The following SYNE2 variants were observed in gnomAD, a reference collection of about 807,000 sequenced individuals.
SYNE2 encodes nesprin-2.
In SYNE2, 431 loss-of-function variants were observed where a neutral mutation model predicts 856.3. That is an observed-to-expected ratio of 0.50 (90% CI 0.47 to 0.55). The LOEUF (loss-of-function observed/expected upper bound fraction) is 0.55, where lower values mean the gene tolerates loss of function less well. Among genes scored for constraint, SYNE2 ranks in the 20% least tolerant of loss-of-function variants. The pLI is 0.00. For synonymous variants in SYNE2, 2,923 were observed against 2,872.3 expected, an observed-to-expected ratio of 1.02 and a Z score of -0.56; for missense variants, 8,129 against 8,023.2, an observed-to-expected ratio of 1.01 and a Z score of -0.50.
At chr14:63,925,562 C>A (rs1336299777) in intron 2 of SYNE2, among the ~76,000 whole-genome samples, 1 of 151,830 alleles carries the variant, frequency 6.6e-6, no homozygotes, top group African/African-American at 2.4e-5. Flanking sequence ...TTTTTTTTAC[C>A]ATAGTCACCC....
Position 64,051,654 on chromosome 14 carries a change from T to C in SYNE2, c.7741T>C (p.Trp2581Arg). 6.2e-7 allele frequency: 1 copy of C among 1,614,154 alleles called. No individual in the cohort carries two copies. Among genetic ancestry groups the C allele is most frequent in the Non-Finnish European group, 8.5e-7 (1 of 1,179,996 alleles). Residue 2581 changes from tryptophan (W) to arginine (R), a missense_variant, in exon 48 of 116, where the codon TGG becomes CGG. By Grantham distance (101) the Trp-to-Arg change is moderately radical. Coordinates refer to ENST00000555002, the MANE Select transcript of SYNE2 (RefSeq NM_182914.3). Reference sequence around the variant, plus strand: ...TTCTTTAGGCAACTTGAAAATCAAATGGGAGAATTTATCAAACCACGTGAC... The same window carrying C: ...TTCTTTAGGCAACTTGAAAATCAAACGGGAGAATTTATCAAACCACGTGAC... ...KDSLGNLKIK[W>R]ENLSNHVTDM...
intron 111 of SYNE2, among the ~76,000 whole-genome samples, chr14:64,221,273 C>G (rs932992394): frequency 1.3e-5 from 2 of 152,106 alleles, no homozygotes; most frequent in Admixed American, 6.5e-5. Context: ...AGCAGAGAAC[C>G]CAGCAGATTG....
chr14:64,091,748 A>G (rs546593126), intron 60 of SYNE2, among the ~76,000 whole-genome samples: 1 of 152,274 alleles, frequency 6.6e-6, no homozygotes, highest in African/African-American at 2.4e-5. Context: ...TGGATCAATA[A>G]TCACTCCCAC....
Position 64,132,405 on chromosome 14 carries a change from C to T in SYNE2, c.14481C>T (p.Arg4827=). The part of the protein sequence containing the change: ...TEVKILEEKS[R]QCGMKLQSLL... Reference sequence around the variant, plus strand: ...TTAAAATACTAGAAGAAAAGTCACGCCAATGTGGTATGAAGCTGCAGAGTT... The same window carrying T: ...TTAAAATACTAGAAGAAAAGTCACGTCAATGTGGTATGAAGCTGCAGAGTT... The change falls in exon 77 of 116, where the codon CGC becomes CGT. Residue 4827 remains arginine (R), a synonymous_variant. Transcript: ENST00000555002. The T allele has an allele frequency of 6.2e-7, 1 of 1,614,114 alleles. No individual in the cohort carries two copies. Among genetic ancestry groups the T allele is most frequent in the South Asian group, 1.1e-5 (1 of 91,082 alleles).
In SYNE2 at chr14:63,997,059, T is replaced by A; in HGVS notation, c.3053T>A (p.Leu1018Gln). Residue 1018 changes from leucine to glutamine, a missense_variant, in exon 24 of 116, where the codon CTA becomes CAA. Around this residue, in one of 3 missense-constraint regions of SYNE2, gnomAD observed 2,422 missense variants for 2,357.4 expected, o/e 1.03. Transcript: ENST00000555002. ...SQKSQQEVKR[L>Q]LKDYEQKIER... ...AAGAGTCAACAAGAAGTGAAGAGACTACTCAAAGATTATGAACAAAAGATA... is the reference window on the plus strand; with the variant it reads ...AAGAGTCAACAAGAAGTGAAGAGACAACTCAAAGATTATGAACAAAAGATA... The A allele has an allele frequency of 6.2e-7, 1 of 1,614,026 alleles. No individual in the cohort carries two copies. Among genetic ancestry groups the A allele is most frequent in the South Asian group, 1.1e-5 (1 of 91,078 alleles).
At chr14:63,973,223 G>C (rs1041730917) in intron 11 of SYNE2, among the ~76,000 whole-genome samples, 1 of 152,082 alleles carries the variant, frequency 6.6e-6, no homozygotes. Flanking sequence ...TCTAGCCTGG[G>C]AGACAGAGTG....
chr14:64,087,360 T>G, intron 57 of SYNE2: 1 of 524,246 alleles, frequency 1.9e-6, no homozygotes, highest in South Asian at 1.5e-5. Context: ...AGTTATTACA[T>G]GTATGAAAGG....
At chr14:64,101,351 T>C (rs1368334955) in intron 63 of SYNE2, among the ~76,000 whole-genome samples, 1 of 152,236 alleles carries the variant, frequency 6.6e-6, no homozygotes, top group African/African-American at 2.4e-5. Flanking sequence ...ACTGTGGTTT[T>C]AATTTGCATT....
intron 1 of SYNE2, among the ~76,000 whole-genome samples, chr14:63,813,708 G>A (rs1566582559): frequency 6.6e-6 from 1 of 152,000 alleles, no homozygotes; most frequent in African/African-American, 2.4e-5. Context: ...TGGATCACGA[G>A]GTCAGAAATT....
chr14:63,783,708 T>G (rs1378093559), intron 1 of SYNE2, among the ~76,000 whole-genome samples: 1 of 152,068 alleles, frequency 6.6e-6, no homozygotes, highest in Non-Finnish European at 1.5e-5. Flanking sequence ...AGTTCCAGAC[T>G]AAAAGAGACC....
chr14:64,087,201 G>T (rs2097570168), intron 57 of SYNE2, among the ~76,000 whole-genome samples: 1 of 150,106 alleles, frequency 6.7e-6, no homozygotes, highest in African/African-American at 2.4e-5. Flanking sequence ...AACCCACTTA[G>T]TTTTAGTGAC....
At chr14:63,945,010 G>C (rs1320071445) in intron 6 of SYNE2, among the ~76,000 whole-genome samples, 3 of 147,730 alleles carry the variant, frequency 2.0e-5, no homozygotes, top group Admixed American at 6.8e-5. Context: ...GTTTCACCAT[G>C]TTGGCCAGGC....
intron 1 of SYNE2, among the ~76,000 whole-genome samples, chr14:63,774,070 C>T (rs564191020): frequency 2.6e-5 from 4 of 152,220 alleles, no homozygotes; most frequent in African/African-American, 7.2e-5. Flanking sequence ...TGCGGTGGCT[C>T]ATGCCTGTAA....
rs1318875013 is a variant in SYNE2, at chr14:63,964,079, A to G, written c.990+79A>G. 10 of 891,394 alleles carry G rather than the reference A, an allele frequency of 1.1e-5. No individual in the cohort carries two copies. In the Admixed American group the frequency reaches 2.1e-4, roughly 19 times the overall value. The allele number at this position is 891,394 out of a possible 1,614,324, so 55.2% of individuals were successfully genotyped here. On this transcript the variant is annotated intron_variant, in intron 10 of 115. Transcript: ENST00000555002. ...AAGTATGTTTTTAGAAAACTCTTTC[A>G]GGCTTAAGTATTTTAAGTATTAAAT...
chr14:64,000,330 G>T (rs2096744125), intron 27 of SYNE2, among the ~76,000 whole-genome samples: 1 of 152,196 alleles, frequency 6.6e-6, no homozygotes, highest in Non-Finnish European at 1.5e-5. Flanking sequence ...TTTGAAAGCT[G>T]CCTTGTCGAC....
intron 1 of SYNE2, among the ~76,000 whole-genome samples, chr14:63,905,190 C>T (rs1001672152): frequency 6.6e-6 from 1 of 152,074 alleles, no homozygotes; most frequent in Non-Finnish European, 1.5e-5. Flanking sequence ...GTATCAGTAC[C>T]ATACTGTTTT....
intron 1 of SYNE2, among the ~76,000 whole-genome samples, chr14:63,878,411 AG>A (rs1755004657): frequency 6.6e-6 from 1 of 152,246 alleles, no homozygotes; most frequent in South Asian, 2.1e-4. Flanking sequence ...TTGATTGTCT[AG>A]AGAAGTCGGT....
chr14:63,844,430 A>G, intron 1 of SYNE2, among the ~76,000 whole-genome samples: 1 of 152,234 alleles, frequency 6.6e-6, no homozygotes, highest in East Asian at 1.9e-4. Context: ...ACTGAAGGAC[A>G]TCTTGGTTGC....
intron 1 of SYNE2, among the ~76,000 whole-genome samples, chr14:63,776,681 C>A (rs1175193559): frequency 6.6e-6 from 1 of 150,928 alleles, no homozygotes; most frequent in African/African-American, 2.4e-5. Context: ...CTCACTGCAA[C>A]CTCCGCTTCC....
Sources: allele counts gnomAD v4.1 joint callset (sites outside exome capture counted in the v4.1 genomes callset), GRCh38; gene constraint gnomAD v4.1.1; regional missense constraint gnomAD v4.1.1; transcripts MANE v1.5; gene names NCBI Gene and HGNC (gene_info 2026-07-23, HGNC 2026-07-21).